Variants in CD83 observed in about 807,000 individuals in gnomAD.
CD83 encodes the protein CD83 antigen.
A neutral mutation model predicts 24.6 loss-of-function variants in CD83; 22 were observed. The ratio of observed to expected loss-of-function variants is 0.90; its 90% CI spans 0.64 to 1.28. The LOEUF (loss-of-function observed/expected upper bound fraction) is 1.28, where lower values mean the gene tolerates loss of function less well. Ranked by LOEUF, CD83 falls within the 50% of genes most tolerant of loss-of-function variation. The pLI is 0.00. For synonymous variants in CD83, 101 were observed against 103.5 expected (o/e 0.98, Z 0.14); for missense variants, 253 against 252.8 (o/e 1.00, Z -0.01).
At chr6:14,122,901 A>G (rs1418262623) in intron 2 of CD83, among the ~76,000 whole-genome samples, 1 of 152,210 alleles carries the variant, frequency 6.6e-6, no homozygotes, top group African/African-American at 2.4e-5. Context: ...GGAATCCACT[A>G]AGACTTTTTG....
At position 14,135,127 on chromosome 6, in the gene CD83, G is replaced by A. The variant is rs992338192; in HGVS notation, c.509G>A (p.Ser170Asn). The A allele has an allele frequency of 7.4e-6, 12 of 1,614,128 alleles. No individual in the cohort carries two copies. The highest frequency in any genetic ancestry group is 8.5e-6 in the Non-Finnish European group (10 of 1,179,994). ...IFTCKFARLQ[S>N]IFPDFSKAGM... ...TTTTAGAAGTTTGCACGGCTACAGA[G>A]TATCTTCCCAGATTTTTCTAAAGCT... Residue 170 changes from serine to asparagine, a missense_variant, in exon 5 of 5, where the codon AGT becomes AAT. Transcript: ENST00000379153.
chr6:14,135,375 G>A lies in CD83; in HGVS notation c.*139G>A, dbSNP rs1758025576. On this transcript the variant is annotated 3_prime_UTR_variant, in exon 5 of 5. Coordinates refer to ENST00000379153, the MANE Select transcript of CD83 (RefSeq NM_004233.4). ...TTCACCTCACTGAAAACATCTGGAA[G>A]GGGATCCCACCCCATTTTCTGTGGG... 1.1e-6 allele frequency: 1 copy of A among 934,548 alleles called. No individual in the cohort carries two copies. The allele number at this position is 934,548 out of a possible 1,614,324, so 57.9% of individuals were successfully genotyped here.
chr6:14,127,409 G>A (rs1759844468), intron 2 of CD83, among the ~76,000 whole-genome samples: 1 of 151,896 alleles, frequency 6.6e-6, no homozygotes, highest in Non-Finnish European at 1.5e-5. Context: ...TAATGTAGGA[G>A]GTTGGCATAT....
At chr6:14,125,163 A>C (rs1759775491) in intron 2 of CD83, among the ~76,000 whole-genome samples, 1 of 152,180 alleles carries the variant, frequency 6.6e-6, no homozygotes, top group South Asian at 2.1e-4. Flanking sequence ...TGGCCTCCTG[A>C]ACTGTGAGAG....
intron 2 of CD83, among the ~76,000 whole-genome samples, chr6:14,128,088 C>A (rs777637952): frequency 3.9e-5 from 6 of 152,184 alleles, no homozygotes; most frequent in Non-Finnish European, 5.9e-5. Flanking sequence ...AAGAGCTGTT[C>A]TTGCCAGTGG....
upstream of CD83, chr6:14,117,745 T>G (rs1244418703): frequency 4.0e-6 from 5 of 1,254,140 alleles, no homozygotes; most frequent in Admixed American, 4.0e-5. The surrounding 1 kb of genome is among the most constrained non-coding windows in gnomAD (Gnocchi z 4.6). Flanking sequence ...CGCGCGGGCA[T>G]AAAAGGGCAG....
chr6:14,118,810 T>C (rs1399370382), intron 2 of CD83, among the ~76,000 whole-genome samples: 1 of 152,174 alleles, frequency 6.6e-6, no homozygotes, highest in Non-Finnish European at 1.5e-5. Context: ...GATGGTGTCA[T>C]TCCAAAGCCA....
At position 14,124,021 on chromosome 6, in the gene CD83, A is replaced by G. The variant is rs148128106; in HGVS notation, c.153+5956A>G. Among the ~76,000 whole-genome samples, 530 of 152,362 alleles carry G rather than the reference A, an allele frequency of 3.5e-3. 4 individuals carry two copies. The highest frequency in any genetic ancestry group is 9.6e-3 in the African/African-American group (400 of 41,588). ...TCCTGGCTACTCCTGGAATAACCCT[A>G]AATTTTGTATCAACAATCATTAGCT... On this transcript the variant is annotated intron_variant, in intron 2 of 4. Transcript: ENST00000379153.
intron 2 of CD83, among the ~76,000 whole-genome samples, chr6:14,127,700 G>T (rs1454963764): frequency 6.6e-6 from 1 of 152,140 alleles, no homozygotes; most frequent in Admixed American, 6.6e-5. Flanking sequence ...AAAGAATATG[G>T]TATTTAAATA....
At chr6:14,127,039 A>G (rs747068276) in intron 2 of CD83, among the ~76,000 whole-genome samples, 1 of 150,982 alleles carries the variant, frequency 6.6e-6, no homozygotes, top group Non-Finnish European at 1.5e-5. Context: ...CCCAGGCTGG[A>G]GCGCAATGGC....
At chr6:14,123,099 T>TG (rs1759707208) in intron 2 of CD83, among the ~76,000 whole-genome samples, 1 of 150,918 alleles carries the variant, frequency 6.6e-6, no homozygotes, top group East Asian at 1.9e-4. Context: ...TGTTTGTTTT[T>TG]GTTTTTTTTT....
In CD83 at chr6:14,129,986, G is replaced by T. The variant is rs982952295; in HGVS notation, c.154-1534G>T. Reference sequence around the variant, plus strand: ...GAGTTCCTTCCTAAAAGTCAGAGAAGAGTTGTAGGGTGCTCCCAGAACGGG... The same window carrying T: ...GAGTTCCTTCCTAAAAGTCAGAGAATAGTTGTAGGGTGCTCCCAGAACGGG... On this transcript the variant is annotated intron_variant, in intron 2 of 4. Transcript: ENST00000379153. This position sits in a 1 kb window ranked among gnomAD's most constrained non-coding sequence, Gnocchi z 4.3. Among the ~76,000 whole-genome samples the T allele has an allele frequency of 6.6e-6, 1 of 152,160 alleles. No individual in the cohort carries two copies. The highest frequency in any genetic ancestry group is 1.5e-5 in the Non-Finnish European group (1 of 68,030).
intron 2 of CD83, among the ~76,000 whole-genome samples, chr6:14,130,227 G>T (rs1198018047): frequency 6.6e-6 from 1 of 152,214 alleles, no homozygotes; most frequent in African/African-American, 2.4e-5. Flanking sequence ...GCCCAGGAAG[G>T]CTGAAAACAA....
chr6:14,133,437 C>T (rs1289822160), intron 3 of CD83, among the ~76,000 whole-genome samples: 2 of 152,196 alleles, frequency 1.3e-5, no homozygotes, highest in Non-Finnish European at 2.9e-5. Context: ...CGGAAAGATG[C>T]CATGTGAGAG....
intron 2 of CD83, 113 bp downstream of exon 2, chr6:14,118,178 G>C: frequency 5.9e-6 from 4 of 680,756 alleles, no homozygotes; most frequent in Non-Finnish European, 7.1e-6. Flanking sequence ...GGCGAGGGGC[G>C]TCTCCCGCAG....
chr6:14,118,388 T>G (rs969692813), intron 2 of CD83, among the ~76,000 whole-genome samples: 1 of 152,232 alleles, frequency 6.6e-6, no homozygotes, highest in Admixed American at 6.5e-5. Context: ...CCACCTGTGG[T>G]TGTGGGCCAG....
intron 2 of CD83, among the ~76,000 whole-genome samples, chr6:14,127,344 A>G (rs1429557024): frequency 6.6e-6 from 1 of 152,146 alleles, no homozygotes; most frequent in African/African-American, 2.4e-5. Flanking sequence ...TTTTGTGATC[A>G]AAACTCTTTT....
chr6:14,132,654 G>A (rs1365359825), intron 3 of CD83, among the ~76,000 whole-genome samples: 1 of 152,150 alleles, frequency 6.6e-6, no homozygotes, highest in Non-Finnish European at 1.5e-5. Context: ...TGTAGTGCCC[G>A]GGATAGACTG....
intron 2 of CD83, among the ~76,000 whole-genome samples, chr6:14,127,483 G>T (rs1225612991): frequency 1.3e-5 from 2 of 150,858 alleles, no homozygotes; most frequent in African/African-American, 2.4e-5. Flanking sequence ...TTTAATATTG[G>T]TTCAGTTTCA....
Sources: gnomAD v4.1 joint callset for allele counts (sites outside exome capture counted in the v4.1 genomes callset) on GRCh38, gnomAD v4.1.1 for gene constraint, Gnocchi (gnomAD v3.1) non-coding constraint, MANE v1.5 for transcripts, NCBI Gene and HGNC (gene_info 2026-07-23, HGNC 2026-07-21) for gene names.